The following GLP2R variants were observed in gnomAD, a reference collection of about 807,000 sequenced individuals.
GLP2R encodes glucagon-like peptide 2 receptor.
GLP2R carries 59 observed loss-of-function variants against 68.2 expected under a neutral mutation model. The ratio of observed to expected loss-of-function variants is 0.87; its 90% CI spans 0.70 to 1.07. GLP2R has a LOEUF of 1.07. Ranked by LOEUF, GLP2R falls within the 50% of genes least tolerant of loss-of-function variation. The pLI, the probability that GLP2R is intolerant of heterozygous loss-of-function variation, is 0.00. For synonymous variants in GLP2R, 270 were observed against 265.4 expected, an observed-to-expected ratio of 1.02 and a Z score of -0.17; for missense variants, 548 against 677.4, an observed-to-expected ratio of 0.81 and a Z score of 2.12.
chr17:9,840,693 G>T (rs1555569699), intron 3 of GLP2R, among the ~76,000 whole-genome samples: 1 of 152,214 alleles, frequency 6.6e-6, no homozygotes, highest in Non-Finnish European at 1.5e-5. Flanking sequence ...GGGGTGATGT[G>T]TTGCACCTGT....
At position 9,870,727 on chromosome 17, in the gene GLP2R, A is replaced by G. The variant is rs2067084696; in HGVS notation, c.1057-20A>G. On this transcript the variant is annotated intron_variant, in intron 9 of 12. Transcript: ENST00000262441. ...GTGGAATTCGTCACTTACTTACCCA[A>G]TTCTGCTCTTTTTTTCAAGGTCAAT... 4.2e-6 allele frequency: 5 copies of G among 1,199,932 alleles called. No homozygotes were observed. The highest frequency in any genetic ancestry group is 1.2e-5 in the South Asian group (1 of 82,958). 74.3% of individuals were successfully genotyped at this position (1,199,932 alleles called of 1,614,324 possible).
chr17:9,842,882 G>A (rs2066801229), intron 4 of GLP2R, among the ~76,000 whole-genome samples: 1 of 152,178 alleles, frequency 6.6e-6, no homozygotes, highest in Admixed American at 6.5e-5. Flanking sequence ...CCCCGTGCCT[G>A]GAGCACCTGT....
chr17:9,871,132 C>G (rs910954768), intron 10 of GLP2R, among the ~76,000 whole-genome samples: 4 of 152,074 alleles, frequency 2.6e-5, no homozygotes, highest in Admixed American at 6.6e-5. Context: ...CTTTGGGAGG[C>G]TGGGACAAGA....
chr17:9,870,552 G>A (rs562130659), intron 9 of GLP2R, among the ~76,000 whole-genome samples, 195 bp from the exon 10 acceptor site: 2 of 152,248 alleles, frequency 1.3e-5, no homozygotes, highest in South Asian at 4.2e-4. Flanking sequence ...TGGCCTTTGG[G>A]ACAGTGGAGA....
At chr17:9,826,668 C>T (rs1294615207) in intron 1 of GLP2R, among the ~76,000 whole-genome samples, 3 of 152,136 alleles carry the variant, frequency 2.0e-5, no homozygotes, top group Admixed American at 6.5e-5. Flanking sequence ...TTTTTCCTTT[C>T]CTTTCCTTTC....
chr17:9,851,451 A>G (rs1286607842), intron 4 of GLP2R, among the ~76,000 whole-genome samples: 1 of 152,242 alleles, frequency 6.6e-6, no homozygotes, highest in African/African-American at 2.4e-5. Flanking sequence ...GACAATAAGC[A>G]GAGAGACATT....
intron 12 of GLP2R, 92 bp downstream of exon 12, chr17:9,888,065 A>G (rs1241950083): frequency 5.7e-6 from 5 of 883,424 alleles, no homozygotes; most frequent in Non-Finnish European, 7.8e-6. Flanking sequence ...GGATGATGCT[A>G]CGGGAGAATG....
intron 6 of GLP2R, 67 bp from the exon 7 acceptor site, chr17:9,859,875 T>G: frequency 2.3e-6 from 2 of 856,580 alleles, no homozygotes; most frequent in Non-Finnish European, 3.3e-6. Flanking sequence ...GGGAGGCCCT[T>G]CTCCCCCGAC....
At chr17:9,832,998 C>T (rs1048181820) in intron 1 of GLP2R, among the ~76,000 whole-genome samples, 2 of 152,122 alleles carry the variant, frequency 1.3e-5, no homozygotes, top group Admixed American at 1.3e-4. Flanking sequence ...CGCGGTGGCT[C>T]ACACCTGTAA....
At chr17:9,881,378 CTTTTTT>C (rs35526930) in intron 11 of GLP2R, among the ~76,000 whole-genome samples, 3 of 95,644 alleles carry the variant, frequency 3.1e-5, no homozygotes, top group South Asian at 3.2e-4. Context: ...GCTGTCAGGC[CTTTTTT>C]TTTTTTTTTT....
chr17:9,851,807 G>T (rs2066893847), intron 4 of GLP2R, among the ~76,000 whole-genome samples: 2 of 151,596 alleles, frequency 1.3e-5, no homozygotes, highest in Admixed American at 1.3e-4. Flanking sequence ...TCTAAAAAGA[G>T]AAATAAATTT....
chr17:9,835,367 T>C (rs1476807396), intron 2 of GLP2R, among the ~76,000 whole-genome samples: 2 of 152,082 alleles, frequency 1.3e-5, no homozygotes, highest in Non-Finnish European at 2.9e-5. Flanking sequence ...GTTTGGGACC[T>C]AGTCTGAAAT....
chr17:9,833,271 A>AAAAGAAAG (rs534704361), intron 1 of GLP2R, among the ~76,000 whole-genome samples: 3 of 151,768 alleles, frequency 2.0e-5, no homozygotes, highest in Non-Finnish European at 4.4e-5. Context: ...TTAAAAAAAA[A>AAAAGAAAG]AAAGAAAGAA....
In GLP2R at chr17:9,854,612, C is replaced by T. The variant is rs1286605114; in HGVS notation, c.611+11C>T. 3 of 1,445,084 alleles carry T rather than the reference C, an allele frequency of 2.1e-6. No individual in the cohort carries two copies. In the East Asian group the frequency reaches 6.8e-5, roughly 33 times the overall value. 89.5% of individuals were successfully genotyped at this position (1,445,084 alleles called of 1,614,324 possible). A position where few individuals can be genotyped will look rare whatever the true frequency, so the allele number is the denominator to read the frequency against. On this transcript the variant is annotated intron_variant, in intron 5 of 12. Transcript: ENST00000262441. ...CCTCTTGTTTCTTCGGTGAGTAGAA[C>T]TTCTGCAGGCATGTGTTCGGGCAGG...
chr17:9,847,277 CT>C (rs34692608), intron 4 of GLP2R, among the ~76,000 whole-genome samples: 2 of 150,560 alleles, frequency 1.3e-5, no homozygotes, highest in Admixed American at 6.6e-5. Flanking sequence ...ATTTTTTTTT[CT>C]TTTTTTTTGA....
intron 9 of GLP2R, among the ~76,000 whole-genome samples, chr17:9,864,822 C>A (rs952452918): frequency 2.5e-4 from 38 of 152,262 alleles, no homozygotes; most frequent in African/African-American, 8.4e-4. Context: ...CGTGTCTGGC[C>A]CCACTGTAGT....
In GLP2R at chr17:9,869,376, G is replaced by A. The variant is rs1386156478; in HGVS notation, c.1057-1371G>A. Among the ~76,000 whole-genome samples the A allele has an allele frequency of 2.0e-5, 3 of 152,108 alleles. No homozygotes were observed. In the East Asian group the frequency reaches 5.8e-4, roughly 29 times the overall value. On this transcript the variant is annotated intron_variant, in intron 9 of 12. Transcript: ENST00000262441. ...AAAACCCAAACTCCTTACCTACCAC[G>A]GCTGTGAAAGACCCTGCAGAAACGG...
intron 4 of GLP2R, among the ~76,000 whole-genome samples, chr17:9,845,916 G>T (rs1022384124): frequency 3.9e-5 from 6 of 152,040 alleles, no homozygotes; most frequent in Non-Finnish European, 7.4e-5. Context: ...ATTAATTTTT[G>T]TTGACACAAA....
intron 11 of GLP2R, among the ~76,000 whole-genome samples, chr17:9,882,199 C>T (rs2067203311): frequency 6.6e-6 from 1 of 152,202 alleles, no homozygotes; most frequent in Non-Finnish European, 1.5e-5. Flanking sequence ...AGCAGCTTCA[C>T]TGAAGAGGGA....
Sources: allele counts gnomAD v4.1 joint callset (sites outside exome capture counted in the v4.1 genomes callset), GRCh38; gene constraint gnomAD v4.1.1; transcripts MANE v1.5; gene names NCBI Gene and HGNC (gene_info 2026-07-23, HGNC 2026-07-21).